Variants in LLGL2 observed in about 807,000 individuals in gnomAD.
The protein encoded by LLGL2 is LLGL2, scribble cell polarity complex component.
LLGL2 carries 81 observed loss-of-function variants against 123.2 expected under a neutral mutation model. The observed-to-expected ratio is 0.66, with a 90% CI of 0.55 to 0.79. LLGL2 has a LOEUF of 0.79. Ranked by LOEUF, LLGL2 falls within the 30% of genes least tolerant of loss-of-function variation. The pLI is 0.00. For synonymous variants in LLGL2, 577 were observed against 594.1 expected (o/e 0.97, Z 0.42); for missense variants, 1,273 against 1,414.6 (o/e 0.90, Z 1.61).
At chr17:75,536,773 G>A (rs967566726) in intron 1 of LLGL2, among the ~76,000 whole-genome samples, 1 of 152,196 alleles carries the variant, frequency 6.6e-6, no homozygotes, top group Admixed American at 6.5e-5. Context: ...CTGACTCTTG[G>A]ATTCTTTGTA....
chr17:75,538,643 A>G (rs79518844), intron 1 of LLGL2: 2 of 152,362 alleles, frequency 1.3e-5, no homozygotes, highest in East Asian at 3.9e-4. Flanking sequence ...ACAGGTAATC[A>G]ACAAGATTAA....
rs371502131 is a variant in LLGL2, at chr17:75,569,074, G to A, written c.1419G>A (p.Thr473=). 26 of 1,612,894 alleles carry A rather than the reference G, an allele frequency of 1.6e-5. No individual in the cohort carries two copies. In the African/African-American group the frequency reaches 2.0e-4, roughly 12 times the overall value. The change falls in exon 13 of 26, where the codon ACG becomes ACA. Residue 473 remains threonine, a synonymous_variant. Coordinates refer to ENST00000392550, the MANE Select transcript of LLGL2 (RefSeq NM_001031803.2). ...LSTVRVFLTD[T]DPNENFSAQG... is the part of the protein sequence containing the mutation. ...CTGTGCGCGTGTTCCTCACCGACACGGACCCCAACGAGAACTTCAGTGCCC... is the reference window on the plus strand; with the variant it reads ...CTGTGCGCGTGTTCCTCACCGACACAGACCCCAACGAGAACTTCAGTGCCC...
chr17:75,573,910 G>A, intron 21 of LLGL2, 42 bp from the exon 22 acceptor site: 1 of 1,547,958 alleles, frequency 6.5e-7, no homozygotes. Context: ...AGCCGGGCAG[G>A]GAGCCCGGGG....
intron 10 of LLGL2, chr17:75,567,970 A>C: frequency 1.4e-6 from 1 of 733,744 alleles, no homozygotes; most frequent in Non-Finnish European, 1.7e-6. Context: ...AAAAAAGACA[A>C]ATGGTTTAAT....
chr17:75,560,849 T>G (rs140802427), intron 6 of LLGL2, among the ~76,000 whole-genome samples: 3,611 of 148,268 alleles, frequency 0.024, 157 homozygotes, highest in African/African-American at 0.078. Flanking sequence ...AAAAACATTT[T>G]TTTTGAGAGA....
chr17:75,564,535 A>T lies in LLGL2; in HGVS notation c.1036+28A>T, dbSNP rs376395348. ...AGGAGAGCTTCGGGAGTGGGTGCCC[A>T]GGGTTAGGTGTGGGAGGCATGGGGC... On this transcript the variant is annotated intron_variant, in intron 10 of 25. Transcript: ENST00000392550. The surrounding 1 kb of genome is among the most constrained non-coding windows in gnomAD (Gnocchi z 4.9). 2 of 1,612,510 alleles carry T rather than the reference A, an allele frequency of 1.2e-6. No homozygotes were observed. The highest frequency in any genetic ancestry group is 1.7e-6 in the Non-Finnish European group (2 of 1,179,692).
Position 75,571,838 on chromosome 17 carries a change from G to A in LLGL2, c.2293+55G>A, listed in dbSNP as rs537618619. 6.2e-5 allele frequency: 100 copies of A among 1,604,248 alleles called. No individual in the cohort carries two copies. In the East Asian group the frequency reaches 2.2e-3, roughly 35 times the overall value. ...GCTCGGGCTGCCTGGGCTGGGTCCA[G>A]GGAGTGGCTCCAGCCCTGCCACCCC... On this transcript the variant is annotated intron_variant, in intron 18 of 25. Coordinates refer to ENST00000392550, the MANE Select transcript of LLGL2 (RefSeq NM_001031803.2).
chr17:75,558,029 C>A lies in LLGL2; in HGVS notation c.174-126C>A. On this transcript the variant is annotated intron_variant, in intron 3 of 25. Transcript: ENST00000392550. The surrounding 1 kb of genome is among the most constrained non-coding windows in gnomAD (Gnocchi z 4.0). ...CCCTAGGCTCCATGCATGGGTCCTG[C>A]TGCCTCGGGGGAGGGCAGCCCCTCT... is the stretch of plus-strand genomic sequence containing the variant. The A allele has an allele frequency of 2.2e-6, 2 of 920,162 alleles. No homozygotes were observed. Among genetic ancestry groups the A allele is most frequent in the Non-Finnish European group, 3.6e-6 (2 of 558,102 alleles). 57.0% of individuals were successfully genotyped at this position (920,162 alleles called of 1,614,324 possible). A position where few individuals can be genotyped will look rare whatever the true frequency, so the allele number is the denominator to read the frequency against.
At chr17:75,534,309 TG>T (rs1028256313) in intron 1 of LLGL2, among the ~76,000 whole-genome samples, 6 of 152,172 alleles carry the variant, frequency 3.9e-5, no homozygotes, top group African/African-American at 1.4e-4. Context: ...AGGATCCTCT[TG>T]GGGTTGTGGG....
chr17:75,557,422 C>G (rs1422494059), intron 3 of LLGL2, among the ~76,000 whole-genome samples: 1 of 152,144 alleles, frequency 6.6e-6, no homozygotes, highest in Non-Finnish European at 1.5e-5. Context: ...ATCCAGAGCA[C>G]TGGTTCTGGC....
chr17:75,570,449 G>C lies in LLGL2; in HGVS notation c.1976G>C (p.Arg659Pro). ...CGTCAGTCATTCCGCCGGATGCGTC[G>C]GAGCCGGGTGTCCAGCCGGAAGCGG... ...SLRQSFRRMR[R>P]SRVSSRKRHP... Residue 659 changes from arginine to proline, a missense_variant, in exon 16 of 26, where the codon CGG becomes CCG. By Grantham distance (103) the Arg-to-Pro change is moderately radical. Transcript: ENST00000392550. 1 of 1,596,100 alleles carries C rather than the reference G, an allele frequency of 6.3e-7. No homozygotes were observed. Among genetic ancestry groups the C allele is most frequent in the Non-Finnish European group, 8.5e-7 (1 of 1,172,554 alleles).
At chr17:75,565,272 T>G (rs1002700787) in intron 10 of LLGL2, among the ~76,000 whole-genome samples, 8 of 152,138 alleles carry the variant, frequency 5.3e-5, no homozygotes, top group African/African-American at 1.9e-4. Context: ...CAGAAAGGGC[T>G]GATGTTGAAA....
At chr17:75,536,059 G>A (rs1025825916) in intron 1 of LLGL2, among the ~76,000 whole-genome samples, 2 of 152,256 alleles carry the variant, frequency 1.3e-5, no homozygotes, top group African/African-American at 2.4e-5. Flanking sequence ...CCTGGCGCCC[G>A]CCAAAAGGGA....
At chr17:75,557,309 C>T (rs1350398672) in intron 3 of LLGL2, among the ~76,000 whole-genome samples, 2 of 152,192 alleles carry the variant, frequency 1.3e-5, no homozygotes, top group African/African-American at 4.8e-5. Flanking sequence ...TTCCAAATTC[C>T]ACCCCCACTC....
In LLGL2 at chr17:75,569,317, G is replaced by T. The variant is rs1396437396; in HGVS notation, c.1573G>T (p.Ala525Ser). 2.5e-6 allele frequency: 4 copies of T among 1,612,506 alleles called. No homozygotes were observed. In the Admixed American group the frequency reaches 6.7e-5, roughly 27 times the overall value. ...CGGCTACCTGGCTGTGGCAGGCACGGCAGGGCAGGTAGCAGGCTGGGCTGG... is the reference window on the plus strand; with the variant it reads ...CGGCTACCTGGCTGTGGCAGGCACGTCAGGGCAGGTAGCAGGCTGGGCTGG... The part of the protein sequence containing the change: ...YSGYLAVAGT[A>S]GQVLVLELND... Residue 525 changes from alanine (A) to serine (S), a missense_variant, in exon 14 of 26, where the codon GCA becomes TCA. By Grantham distance (99) the Ala-to-Ser change is moderately conservative. Coordinates refer to ENST00000392550, the MANE Select transcript of LLGL2 (RefSeq NM_001031803.2).
chr17:75,526,405 A>G (rs1404748909), intron 1 of LLGL2, among the ~76,000 whole-genome samples: 3 of 152,232 alleles, frequency 2.0e-5, no homozygotes, highest in Non-Finnish European at 2.9e-5. Flanking sequence ...GACAGTGCGG[A>G]GACCCAGTCT....
At chr17:75,573,656 T>A in intron 21 of LLGL2, 25 bp downstream of exon 21, 1 of 1,429,144 alleles carries the variant, frequency 7.0e-7, no homozygotes, top group Non-Finnish European at 9.3e-7. Flanking sequence ...CAGAGGCCTC[T>A]CCCGCCCCTC....
intron 2 of LLGL2, among the ~76,000 whole-genome samples, chr17:75,550,617 T>A (rs1466492261): frequency 1.3e-5 from 2 of 151,802 alleles, no homozygotes; most frequent in African/African-American, 4.8e-5. Flanking sequence ...ACACCTCATC[T>A]CTACAAAAAA....
intron 2 of LLGL2, among the ~76,000 whole-genome samples, chr17:75,554,981 G>A (rs532734207): frequency 6.6e-6 from 1 of 151,212 alleles, no homozygotes; most frequent in South Asian, 2.1e-4. Context: ...CATGAGGTCA[G>A]GAGATAGAGA....
Sources: allele counts gnomAD v4.1 joint callset (sites outside exome capture counted in the v4.1 genomes callset), GRCh38; gene constraint gnomAD v4.1.1; non-coding constraint Gnocchi (gnomAD v3.1); transcripts MANE v1.5; gene names NCBI Gene and HGNC (gene_info 2026-07-23, HGNC 2026-07-21).